MATR3: variants seen among roughly 807,000 people sequenced by gnomAD.
The protein encoded by MATR3 is matrin-3.
MATR3 carries 4 observed loss-of-function variants against 85.5 expected under a neutral mutation model. That is an observed-to-expected ratio of 0.05 (90% CI 0.02 to 0.11). The LOEUF (loss-of-function observed/expected upper bound fraction) is 0.11. Ranked by LOEUF, MATR3 falls within the 10% of genes least tolerant of loss-of-function variation. MATR3 has a pLI of 1.00. For missense variants in MATR3, 685 were observed against 1,016.1 expected (o/e 0.67, Z 4.43); for synonymous variants, 336 against 343.1 (o/e 0.98, Z 0.23).
intron 2 of MATR3, among the ~76,000 whole-genome samples, chr5:139,277,521 A>G (rs187633425): frequency 6.8e-4 from 104 of 152,220 alleles, no homozygotes; most frequent in Non-Finnish European, 2.9e-4. Context: ...AGCCTTTTAC[A>G]TATGGGGTCT....
At chr5:139,294,968 G>A (rs957333816) in intron 1 of MATR3, 1 of 152,158 alleles carries the variant, frequency 6.6e-6, no homozygotes, top group East Asian at 1.9e-4. Flanking sequence ...GGGCGCGCTG[G>A]AATAATGTGA....
At chr5:139,299,148 C>T (rs1255766099) in intron 1 of MATR3, among the ~76,000 whole-genome samples, 2 of 152,016 alleles carry the variant, frequency 1.3e-5, no homozygotes, top group Non-Finnish European at 2.9e-5. Flanking sequence ...TTTATATACA[C>T]TGGTTTGTAT....
upstream of MATR3, among the ~76,000 whole-genome samples, chr5:139,288,794 C>T (rs1288394977): frequency 4.6e-5 from 7 of 152,162 alleles, no homozygotes; most frequent in Admixed American, 4.6e-4. Context: ...GTGCCTGCCA[C>T]CACGCCCAGC....
At chr5:139,296,850 G>A (rs376466718) in intron 1 of MATR3, among the ~76,000 whole-genome samples, 91 of 152,284 alleles carry the variant, frequency 6.0e-4, no homozygotes, top group African/African-American at 1.7e-3. Flanking sequence ...TAGAATTACA[G>A]TACAGCTATC....
intron 3 of MATR3, chr5:139,282,721 G>C (rs1412526249): frequency 1.3e-5 from 2 of 152,232 alleles, no homozygotes; most frequent in Admixed American, 1.3e-4. Flanking sequence ...TTTATGTAAT[G>C]TCTTTTGTCT....
rs200960104 is a variant in MATR3 at position 139,317,549 on chromosome 5, T to G, written c.1183-47T>G. 3.1e-4 allele frequency: 496 copies of G among 1,602,610 alleles called. 1 individual carries two copies. The African/African-American group carries it at 5.9e-3, about 19-fold the overall frequency. On this transcript the variant is annotated intron_variant, in intron 6 of 14. Coordinates refer to ENST00000394805, the MANE Select transcript of MATR3 (RefSeq NM_018834.6). ...TCCTAATGCGTAATTGGTTTCATAT[T>G]GCTTTAAAGAGACTTAATTGCTTGG... is the stretch of plus-strand genomic sequence containing the variant.
rs780345254 is a variant in MATR3 at position 139,331,279 on chromosome 5, A to G, written c.*1884A>G. 8 of 454,124 alleles carry G rather than the reference A, an allele frequency of 1.8e-5. No homozygotes were observed. The highest frequency in any genetic ancestry group is 3.1e-5 in the Non-Finnish European group (7 of 226,792). The allele number at this position is 454,124 out of a possible 1,614,324, so 28.1% of individuals were successfully genotyped here. ...AAAATCCTTGCCAGTTTACTTCTGC[A>G]ATTTAATTTTAGCCTTTACTAATTA... On this transcript the variant is annotated 3_prime_UTR_variant, in exon 15 of 15. Coordinates refer to ENST00000394805, the MANE Select transcript of MATR3 (RefSeq NM_018834.6).
At position 139,322,452 on chromosome 5, in the gene MATR3, T is replaced by C. The variant is rs200942842; in HGVS notation, c.1735-11T>C. The C allele has an allele frequency of 1.9e-5, 31 of 1,613,120 alleles. No homozygotes were observed. Among genetic ancestry groups the C allele is most frequent in the Admixed American group, 3.3e-5 (2 of 59,990 alleles). ...AAATGTGTTAACTTCTGCAAAACTTTTGTCTTTTAGATTCCAAACAGAGGC... is the reference window on the plus strand; with the variant it reads ...AAATGTGTTAACTTCTGCAAAACTTCTGTCTTTTAGATTCCAAACAGAGGC... On this transcript the variant is annotated splice_polypyrimidine_tract_variant and intron_variant, in intron 10 of 14. Transcript: ENST00000394805.
chr5:139,311,242 A>AT (rs1329184962), intron 2 of MATR3: 1 of 152,064 alleles, frequency 6.6e-6, no homozygotes, highest in Non-Finnish European at 1.5e-5. Flanking sequence ...TGCTTCCCAA[A>AT]TTCTTTTTTT....
At position 139,325,575 on chromosome 5, in the gene MATR3, G is replaced by A. The variant is rs148487997; in HGVS notation, c.2284G>A (p.Ala762Thr). ...TCCCAACAAAGATACAAGTGAAAAC[G>A]CAGATGGTCAAAGTGATGAGAACAA... Reference protein sequence around the residue: ...DDPNKDTSENADGQSDENKDD... With the variant: ...DDPNKDTSENTDGQSDENKDD... Residue 762 changes from alanine (A) to threonine (T), a missense_variant, in exon 13 of 15, where the codon GCA becomes ACA. Around this residue, in one of 9 missense-constraint regions of MATR3, gnomAD observed 215 missense variants for 194.7 expected, o/e 1.10. Transcript: ENST00000394805. 1.1e-4 allele frequency: 184 copies of A among 1,614,036 alleles called. No individual in the cohort carries two copies. The highest frequency in any genetic ancestry group is 4.8e-5 in the Non-Finnish European group (57 of 1,180,042).
At chr5:139,290,033 C>T (rs904894772), upstream of MATR3, among the ~76,000 whole-genome samples, 1 of 152,182 alleles carries the variant, frequency 6.6e-6, no homozygotes, top group African/African-American at 2.4e-5. Flanking sequence ...AATTTCTGTG[C>T]TTTCCTTCCT....
rs1269263646 is a variant in MATR3, at chr5:139,317,125, G to T, written c.1182+20G>T. On this transcript the variant is annotated intron_variant, in intron 6 of 14. Transcript: ENST00000394805. The stretch of plus-strand genomic sequence containing the variant: ...AGAGTGGTCAGTAATGAAGCTTTTG[G>T]TTTTACTGTATTTATGATTTTTGGG... 1.2e-6 allele frequency: 2 copies of T among 1,600,394 alleles called. No individual in the cohort carries two copies. Among genetic ancestry groups the T allele is most frequent in the Non-Finnish European group, 1.7e-6 (2 of 1,168,952 alleles).
At chr5:139,294,022 G>A in intron 1 of MATR3, 1 of 1,282,728 alleles carries the variant, frequency 7.8e-7, no homozygotes, top group Non-Finnish European at 9.9e-7. Flanking sequence ...CTTCTAGGGC[G>A]GCGGAGGTGA....
chr5:139,325,381 A>G (rs1341569856), intron 12 of MATR3, 59 bp from the exon 13 acceptor site: 2 of 1,612,148 alleles, frequency 1.2e-6, no homozygotes, highest in Non-Finnish European at 1.7e-6. Flanking sequence ...AAACTTCGTA[A>G]ATCGGGCATG....
In MATR3 at chr5:139,319,375, A is replaced by G. The variant is rs765808157; in HGVS notation, c.1476A>G (p.Gln492=). 1 of 1,614,220 alleles carries G rather than the reference A, an allele frequency of 6.2e-7. No individual in the cohort carries two copies. Among genetic ancestry groups the G allele is most frequent in the East Asian group, 2.2e-5 (1 of 44,890 alleles). Reference sequence around the variant, plus strand: ...CAGATCAGAAGTTTGATCAAAAGCAAGAGCTTGGACGTGTGATACATCTCA... The same window carrying G: ...CAGATCAGAAGTTTGATCAAAAGCAGGAGCTTGGACGTGTGATACATCTCA... ...GKPDQKFDQK[Q]ELGRVIHLSN... is the part of the protein sequence containing the mutation. The change falls in exon 9 of 15, where the codon CAA becomes CAG. Residue 492 remains glutamine, a synonymous_variant. Coordinates refer to ENST00000394805, the MANE Select transcript of MATR3 (RefSeq NM_018834.6).
chr5:139,317,819 G>T, intron 7 of MATR3, 98 bp downstream of exon 7: 1 of 1,195,536 alleles, frequency 8.4e-7, no homozygotes. Flanking sequence ...AAAACTCAAG[G>T]TAATCTTAAG....
At chr5:139,313,361 G>A (rs1312366358) in intron 2 of MATR3, 1 of 142,902 alleles carries the variant, frequency 7.0e-6, no homozygotes, top group African/African-American at 2.6e-5. Flanking sequence ...CATTCCATGT[G>A]CCTGGCAAGG....
chr5:139,278,292 A>T (rs2151858977), intron 2 of MATR3: 1 of 453,858 alleles, frequency 2.2e-6, no homozygotes, highest in Admixed American at 2.4e-5. Flanking sequence ...TATTCTGTGT[A>T]CTAGATCACT....
chr5:139,300,610 T>C (rs1480922010), intron 1 of MATR3, among the ~76,000 whole-genome samples: 1 of 152,212 alleles, frequency 6.6e-6, no homozygotes, highest in African/African-American at 2.4e-5. Context: ...ATGAGATGAT[T>C]ACTACGGTGC....
Sources: gnomAD v4.1 joint callset for allele counts (sites outside exome capture counted in the v4.1 genomes callset) on GRCh38, gnomAD v4.1.1 for gene constraint, gnomAD v4.1.1 regional missense constraint, MANE v1.5 for transcripts, NCBI Gene and HGNC (gene_info 2026-07-23, HGNC 2026-07-21) for gene names.